Variants in WDPCP observed in about 807,000 individuals in gnomAD.
WDPCP encodes WD repeat-containing and planar cell polarity effector protein fritz homolog.
Under a neutral mutation model 93.1 loss-of-function variants are expected in WDPCP, and 71 were observed. That is an observed-to-expected ratio of 0.76 (90% CI 0.63 to 0.93). WDPCP has a LOEUF of 0.93. Among genes scored for constraint, WDPCP ranks in the 40% least tolerant of loss-of-function variants. The probability of loss-of-function intolerance (pLI) is 0.00; values close to 1 mark genes in which losing one functional copy is unlikely to be tolerated. For missense variants in WDPCP, 844 were observed against 887.4 expected, an observed-to-expected ratio of 0.95 and a Z score of 0.62; for synonymous variants, 315 against 315.0, an observed-to-expected ratio of 1.00 and a Z score of 0.00.
At chr2:63,743,820 TTA>T (rs1264518018) in intron 2 of WDPCP, among the ~76,000 whole-genome samples, 1 of 152,072 alleles carries the variant, frequency 6.6e-6, no homozygotes, top group African/African-American at 2.4e-5. Context: ...ACATGGAAAA[TTA>T]TGTTTAAAAA....
chr2:63,718,025 C>A (rs1202968478), intron 2 of WDPCP: 1 of 152,096 alleles, frequency 6.6e-6, no homozygotes, highest in Admixed American at 6.6e-5. Context: ...GTATCTGAGG[C>A]ACTGAAAATA....
rs139660398 is a variant in WDPCP at position 63,673,563 on chromosome 2, G to A, written n.309-22725C>T. 1.4e-3 allele frequency among the ~76,000 whole-genome samples: 210 copies of A among 152,202 alleles called. 1 individual carries two copies. In the Middle Eastern group the frequency reaches 0.031, roughly 22 times the overall value. On this transcript the variant is annotated intron_variant and non_coding_transcript_variant, in intron 2 of 4. Transcript: ENST00000467687. ...TGTGCCACCAGTCATTGGTGGGAGA[G>A]GCTGGAGGCTATTGGTCAGCTACAC...
intron 14 of WDPCP, among the ~76,000 whole-genome samples, chr2:63,212,610 C>T (rs1435630224): frequency 6.6e-6 from 1 of 152,116 alleles, no homozygotes; most frequent in East Asian, 1.9e-4. Context: ...CAAATTCACA[C>T]ATAACAATAT....
chr2:63,635,677 A>C (rs374288214), intron 3 of WDPCP, among the ~76,000 whole-genome samples: 7 of 152,318 alleles, frequency 4.6e-5, no homozygotes, highest in East Asian at 3.9e-4. Context: ...AAAAACTCTT[A>C]ACAAATTAGG....
intron 2 of WDPCP, among the ~76,000 whole-genome samples, chr2:63,779,153 A>C (rs1479510880): frequency 6.6e-6 from 1 of 152,218 alleles, no homozygotes; most frequent in Non-Finnish European, 1.5e-5. Context: ...AATAACAGTA[A>C]ATTCACAAGA....
chr2:63,383,497 T>G (rs1446111558), intron 10 of WDPCP, among the ~76,000 whole-genome samples: 2 of 152,102 alleles, frequency 1.3e-5, no homozygotes, highest in African/African-American at 4.8e-5. Flanking sequence ...GGCAGATCAC[T>G]TGAGGTCAGG....
chr2:63,552,818 C>G (rs1321498035), intron 1 of WDPCP, among the ~76,000 whole-genome samples: 3 of 152,150 alleles, frequency 2.0e-5, no homozygotes, highest in Non-Finnish European at 4.4e-5. Context: ...TGTGTTTTGT[C>G]AGATGAGTAG....
At chr2:63,830,287 T>C (rs1190685491), upstream of WDPCP, among the ~76,000 whole-genome samples, 1 of 152,136 alleles carries the variant, frequency 6.6e-6, no homozygotes, top group East Asian at 1.9e-4. Flanking sequence ...AACAGATCTT[T>C]ACTGGAACCT....
At chr2:63,531,883 G>T (rs1290953146) in intron 1 of WDPCP, among the ~76,000 whole-genome samples, 1 of 152,144 alleles carries the variant, frequency 6.6e-6, no homozygotes, top group African/African-American at 2.4e-5. Context: ...ACAGAAGTAG[G>T]CTCAGAAGAT....
At chr2:63,379,221 G>T (rs1692103356) in intron 11 of WDPCP, among the ~76,000 whole-genome samples, 1 of 152,196 alleles carries the variant, frequency 6.6e-6, no homozygotes, top group East Asian at 1.9e-4. Context: ...AGAAATACCT[G>T]GAAGTTAAGT....
intron 9 of WDPCP, among the ~76,000 whole-genome samples, chr2:63,411,168 T>G (rs115234525): frequency 6.6e-6 from 1 of 151,942 alleles, no homozygotes; most frequent in African/African-American, 2.4e-5. Context: ...TTGAAGAAAA[T>G]TGAAATATCA....
chr2:63,222,528 C>T (rs866346986), intron 14 of WDPCP, among the ~76,000 whole-genome samples: 22 of 152,184 alleles, frequency 1.4e-4, no homozygotes, highest in Middle Eastern at 3.2e-3. Context: ...TCTGTCTCCT[C>T]ATCTGAGAAG....
In WDPCP at chr2:63,529,209, C is replaced by T. The variant is rs922581292; in HGVS notation, c.76-36269G>A. Among the ~76,000 whole-genome samples the T allele has an allele frequency of 1.3e-4, 20 of 152,114 alleles. No individual in the cohort carries two copies. The South Asian group carries it at 1.9e-3, about 14-fold the overall frequency. On this transcript the variant is annotated intron_variant, in intron 1 of 17. Coordinates refer to ENST00000272321, the MANE Select transcript of WDPCP (RefSeq NM_015910.7). ...TTCCTAATTGAATACCCTTTATTTC[C>T]TTCTCCTGCCTGATTGCCCTGGCCA...
chr2:63,394,324 A>T (rs1354552068), intron 10 of WDPCP, among the ~76,000 whole-genome samples: 10 of 152,186 alleles, frequency 6.6e-5, no homozygotes, highest in Middle Eastern at 6.8e-3. Context: ...GCAAATCAAA[A>T]CCACAATGAG....
intron 13 of WDPCP, among the ~76,000 whole-genome samples, chr2:63,298,036 T>A (rs924438683): frequency 1.3e-5 from 2 of 152,196 alleles, no homozygotes; most frequent in African/African-American, 4.8e-5. Context: ...CCAGAATGCA[T>A]GCTTCTGGCA....
chr2:63,282,113 A>C (rs1156574417), intron 13 of WDPCP, among the ~76,000 whole-genome samples: 1 of 152,234 alleles, frequency 6.6e-6, no homozygotes, highest in Non-Finnish European at 1.5e-5. Context: ...AAACAACTCT[A>C]AATACCAAAG....
chr2:63,686,801 C>T (rs1305290526), intron 2 of WDPCP, among the ~76,000 whole-genome samples: 2 of 152,084 alleles, frequency 1.3e-5, no homozygotes, highest in African/African-American at 4.8e-5. Context: ...GACAAAGTTG[C>T]CAAGAACATA....
intron 2 of WDPCP, among the ~76,000 whole-genome samples, chr2:63,761,856 A>G (rs1427071868): frequency 6.6e-6 from 1 of 152,198 alleles, no homozygotes; most frequent in Non-Finnish European, 1.5e-5. Context: ...GACATTCAGT[A>G]TTAACCATCA....
chr2:63,467,323 T>C (rs1297690336), intron 6 of WDPCP, among the ~76,000 whole-genome samples: 10 of 151,084 alleles, frequency 6.6e-5, no homozygotes, highest in Non-Finnish European at 2.9e-5. Context: ...CTACTAAAAA[T>C]ACACAAATAA....
Sources: allele counts gnomAD v4.1 joint callset (sites outside exome capture counted in the v4.1 genomes callset), GRCh38; gene constraint gnomAD v4.1.1; transcripts MANE v1.5; gene names NCBI Gene and HGNC (gene_info 2026-07-23, HGNC 2026-07-21).